MPRIP: variants seen among roughly 807,000 people sequenced by gnomAD.
MPRIP encodes the protein myosin phosphatase Rho interacting protein.
MPRIP carries 59 observed loss-of-function variants against 234.9 expected under a neutral mutation model. The ratio of observed to expected loss-of-function variants is 0.25; its 90% confidence interval spans 0.20 to 0.31. MPRIP has a LOEUF of 0.31. MPRIP is among the 10% of genes least tolerant of loss of function. MPRIP has a pLI of 1.00. For missense variants in MPRIP, 2,436 were observed against 3,071.0 expected, an observed-to-expected ratio of 0.79 and a Z score of 4.89; for synonymous variants, 1,144 against 1,263.9, an observed-to-expected ratio of 0.91 and a Z score of 2.01.
At chr17:17,106,319 A>G (rs1383054580) in intron 3 of MPRIP, among the ~76,000 whole-genome samples, 1 of 150,728 alleles carries the variant, frequency 6.6e-6, no homozygotes, top group Non-Finnish European at 1.5e-5. Flanking sequence ...CTGCTGCTTC[A>G]CTCTTTGTGG....
chr17:17,061,277 A>T (rs748735213), intron 1 of MPRIP, among the ~76,000 whole-genome samples: 75 of 152,218 alleles, frequency 4.9e-4, no homozygotes, highest in Non-Finnish European at 7.9e-4. Flanking sequence ...GAAAAGACGG[A>T]CAACCTTGAA....
chr17:17,103,727 GAA>G (rs2090009069), intron 3 of MPRIP, among the ~76,000 whole-genome samples: 1 of 152,126 alleles, frequency 6.6e-6, no homozygotes, highest in South Asian at 2.1e-4. Flanking sequence ...AAAGAGTATT[GAA>G]AAAGATGGAA....
chr17:17,161,295 A>G lies in MPRIP; in HGVS notation c.2456A>G (p.Gln819Arg), dbSNP rs1046332729. ...CTTCTGGAGCAGAACCGGCTCCTGC[A>G]GGACCAGCTGAGGGTGGCCCTGGGC... ...SDLLEQNRLLQDQLRVALGRE... is the reference protein window; with the variant it reads ...SDLLEQNRLLRDQLRVALGRE... Residue 819 changes from glutamine to arginine, a missense_variant, in exon 15 of 24, where the codon CAG (glutamine) becomes CGG (arginine). Gln to Arg is a conservative substitution (Grantham distance 43, BLOSUM62 1). Coordinates refer to ENST00000651222, the MANE Select transcript of MPRIP (RefSeq NM_001364716.4). The G allele has an allele frequency of 3.1e-6, 5 of 1,599,338 alleles. No individual in the cohort carries two copies. In the Admixed American group the frequency reaches 5.1e-5, roughly 16 times the overall value.
At chr17:17,135,792 C>G (rs1332650485) in intron 5 of MPRIP, among the ~76,000 whole-genome samples, 2 of 152,186 alleles carry the variant, frequency 1.3e-5, no homozygotes, top group African/African-American at 2.4e-5. Context: ...ACATTGAAAC[C>G]ATAGCATTTA....
At chr17:17,136,806 C>G (rs1353066633) in intron 6 of MPRIP, among the ~76,000 whole-genome samples, 1 of 152,190 alleles carries the variant, frequency 6.6e-6, no homozygotes, top group Non-Finnish European at 1.5e-5. Flanking sequence ...GCATCCTGCC[C>G]CAAGAAGCTG....
chr17:17,093,657 T>C (rs1243172268), intron 3 of MPRIP, among the ~76,000 whole-genome samples: 1 of 152,238 alleles, frequency 6.6e-6, no homozygotes, highest in Non-Finnish European at 1.5e-5. Context: ...GTATGTACAG[T>C]AGTTCAAAAA....
chr17:17,090,417 G>A (rs2089687779), intron 3 of MPRIP, among the ~76,000 whole-genome samples: 1 of 152,202 alleles, frequency 6.6e-6, no homozygotes, highest in Non-Finnish European at 1.5e-5. Context: ...GCTCCACAAA[G>A]TCTAATAAGC....
At chr17:17,088,011 A>G (rs2089630539) in intron 3 of MPRIP, among the ~76,000 whole-genome samples, 1 of 152,192 alleles carries the variant, frequency 6.6e-6, no homozygotes, top group Non-Finnish European at 1.5e-5. Context: ...AGATACCCAC[A>G]TTCTCTCTCT....
intron 21 of MPRIP, 37 bp from the exon 22 acceptor site, chr17:17,177,213 G>C: frequency 6.3e-7 from 1 of 1,595,816 alleles, no homozygotes. Context: ...CCTCTTTCCT[G>C]GATGTAACTA....
chr17:17,087,113 A>G lies in MPRIP; in HGVS notation c.267+9037A>G, dbSNP rs139716203. Among the ~76,000 whole-genome samples the G allele has an allele frequency of 3.2e-3, 486 of 152,314 alleles. 3 individuals are homozygous for G. Among genetic ancestry groups the G allele is most frequent in the Middle Eastern group, 0.02 (6 of 294 alleles). On this transcript the variant is annotated intron_variant, in intron 3 of 23. Transcript: ENST00000651222. ...AAGAATCAGGGAATGGAAGCCAGCA[A>G]AGGTTAATCATGGGACTGTGTGGAC...
At chr17:17,119,705 C>T (rs1003082603) in intron 3 of MPRIP, among the ~76,000 whole-genome samples, 13 of 152,200 alleles carry the variant, frequency 8.5e-5, no homozygotes, top group Non-Finnish European at 1.9e-4. Context: ...TAGAACGTGC[C>T]GAGCTGCCTG....
At chr17:17,109,659 C>G (rs78572469) in intron 3 of MPRIP, among the ~76,000 whole-genome samples, 6,295 of 152,228 alleles carry the variant, frequency 0.041, 207 homozygotes, top group South Asian at 0.13. Flanking sequence ...GCTGTGAGAC[C>G]CGCGAAACAA....
intron 3 of MPRIP, among the ~76,000 whole-genome samples, chr17:17,102,254 G>A (rs1239881627): frequency 6.6e-6 from 1 of 152,036 alleles, no homozygotes; most frequent in Non-Finnish European, 1.5e-5. Flanking sequence ...CCTTGGGCCA[G>A]GAAGGGGGCT....
At position 17,192,005 on chromosome 17, in the gene MPRIP, A is replaced by C. The variant is rs1273974325; in HGVS notation, c.*7111A>C. The C allele has an allele frequency of 6.6e-6, 1 of 152,148 alleles. No individual in the cohort carries two copies. The highest frequency in any genetic ancestry group is 2.4e-5 in the African/African-American group (1 of 41,424). The allele number at this position is 152,148 out of a possible 1,614,324, so 9.4% of individuals were successfully genotyped here. Reference sequence around the variant, plus strand: ...ATCCAAGTGGCTCCTCAACAATTACAATTCTTAATGATTTTTCTCACAGCT... The same window carrying C: ...ATCCAAGTGGCTCCTCAACAATTACCATTCTTAATGATTTTTCTCACAGCT... On this transcript the variant is annotated 3_prime_UTR_variant, in exon 24 of 24. Transcript: ENST00000651222.
At chr17:17,101,481 A>G (rs1020716316) in intron 3 of MPRIP, among the ~76,000 whole-genome samples, 54 of 152,298 alleles carry the variant, frequency 3.5e-4, no homozygotes, top group Admixed American at 3.3e-3. Context: ...GAGGCAGGAG[A>G]ATCGCTTGAA....
At chr17:17,170,954 T>A (rs1467325102) in intron 16 of MPRIP, 2 of 152,206 alleles carry the variant, frequency 1.3e-5, no homozygotes, top group East Asian at 3.9e-4. Flanking sequence ...GGAAAGCAGG[T>A]CTCCTGTCAT....
chr17:17,143,557 A>T lies in MPRIP; in HGVS notation c.1391A>T (p.Asp464Val). 6.3e-7 allele frequency: 1 copy of T among 1,589,486 alleles called. No individual in the cohort carries two copies. Among genetic ancestry groups the T allele is most frequent in the Non-Finnish European group, 8.6e-7 (1 of 1,165,640 alleles). The change falls in exon 9 of 24, where the codon GAC becomes GTC. Residue 464 changes from aspartate to valine, a missense_variant and splice_region_variant. By Grantham distance (152) the Asp-to-Val change is radical. This residue lies in a region of MPRIP where 267 missense variants were observed against 252.7 expected (regional missense o/e 1.06). Transcript: ENST00000651222. ...ACCAGCGGCTGCTCTCTGCCACAGG[A>T]CTTCACCAATGAAGCCCCCCCAGCT... ...SEKRAFPRKR[D>V]FTNEAPPAPL...
At chr17:17,133,473 A>G (rs773288926) in intron 5 of MPRIP, among the ~76,000 whole-genome samples, 9 of 152,118 alleles carry the variant, frequency 5.9e-5, no homozygotes, top group African/African-American at 9.7e-5. Flanking sequence ...AGGCATTCTC[A>G]TGGCCTAGGG....
At position 17,158,003 on chromosome 17, in the gene MPRIP, T is replaced by C. The variant is rs575743743; in HGVS notation, c.1830-429T>C. Among the ~76,000 whole-genome samples, 5 of 152,216 alleles carry C rather than the reference T, an allele frequency of 3.3e-5. No individual in the cohort carries two copies. The East Asian group carries it at 9.7e-4, about 29-fold the overall frequency. ...GGCTGTGCCCAGGTGCAGCCTAATGTAGTTCTTGGCCCTGAGCAAGGCAGG... is the reference window on the plus strand; with the variant it reads ...GGCTGTGCCCAGGTGCAGCCTAATGCAGTTCTTGGCCCTGAGCAAGGCAGG... On this transcript the variant is annotated intron_variant, in intron 13 of 23. Coordinates refer to ENST00000651222, the MANE Select transcript of MPRIP (RefSeq NM_001364716.4).
Sources: allele counts gnomAD v4.1 joint callset (sites outside exome capture counted in the v4.1 genomes callset), GRCh38; gene constraint gnomAD v4.1.1; regional missense constraint gnomAD v4.1.1; transcripts MANE v1.5; gene names NCBI Gene and HGNC (gene_info 2026-07-23, HGNC 2026-07-21).